The following PIP4K2C variants were observed in gnomAD, a reference collection of about 807,000 sequenced individuals.
PIP4K2C encodes phosphatidylinositol-5-phosphate 4-kinase type 2 gamma.
A neutral mutation model predicts 45.0 loss-of-function variants in PIP4K2C; 21 were observed. The ratio of observed to expected loss-of-function variants is 0.47; its 90% confidence interval spans 0.33 to 0.67. PIP4K2C has a LOEUF of 0.67. Ranked by LOEUF, PIP4K2C falls within the 30% of genes least tolerant of loss-of-function variation. The pLI, the probability that PIP4K2C is intolerant of heterozygous loss-of-function variation, is 0.02. For synonymous variants in PIP4K2C, 201 were observed against 204.8 expected, an observed-to-expected ratio of 0.98 and a Z score of 0.16; for missense variants, 456 against 542.8, an observed-to-expected ratio of 0.84 and a Z score of 1.59.
rs1883529708 is a variant in PIP4K2C, at chr12:57,603,344, T to C, written c.*1738T>C. 6.6e-6 allele frequency: 1 copy of C among 152,626 alleles called. No individual in the cohort carries two copies. The highest frequency in any genetic ancestry group is 6.5e-5 in the Admixed American group (1 of 15,286). The allele number at this position is 152,626 out of a possible 1,614,324, so 9.5% of individuals were successfully genotyped here. A position where few individuals can be genotyped will look rare whatever the true frequency, so the allele number is the denominator to read the frequency against. On this transcript the variant is annotated 3_prime_UTR_variant, in exon 10 of 10. Transcript: ENST00000354947. The stretch of plus-strand genomic sequence containing the variant: ...TTGTTGCTTCTGTTTTTCATCTTTT[T>C]TGTTTTATTAATAAAAATTTATGTA...
intron 4 of PIP4K2C, among the ~76,000 whole-genome samples, chr12:57,597,188 G>A (rs888020072): frequency 6.6e-6 from 1 of 152,200 alleles, no homozygotes; most frequent in Non-Finnish European, 1.5e-5. Flanking sequence ...TTTAGAAAAT[G>A]TGACAGCGTT....
chr12:57,596,123 A>G (rs1425797347), intron 4 of PIP4K2C, 92 bp downstream of exon 4: 2 of 1,412,730 alleles, frequency 1.4e-6, no homozygotes, highest in Non-Finnish European at 2.0e-6. Flanking sequence ...CTGGGGAGAA[A>G]ACTCATTGGA....
rs143320503 is a variant in PIP4K2C at position 57,599,179 on chromosome 12, C to T, written c.628C>T (p.Arg210Cys). The T allele has an allele frequency of 2.3e-4, 366 of 1,614,072 alleles. 1 individual carries two copies. The highest frequency in any genetic ancestry group is 3.7e-4 in the South Asian group (34 of 91,090). The change falls in exon 5 of 10, where the codon CGT becomes TGT. Residue 210 changes from arginine (R) to cysteine (C), a missense_variant. Arg to Cys is a radical substitution (Grantham distance 180). Transcript: ENST00000354947. ...MLVMRNMFSH[R>C]LPVHRKYDLK... ...TGTGATGCGCAATATGTTTAGCCAC[C>T]GTCTTCCTGTGCACAGGAAGTATGA...
At chr12:57,594,503 T>C (rs1883105043) in intron 2 of PIP4K2C, among the ~76,000 whole-genome samples, 1 of 152,168 alleles carries the variant, frequency 6.6e-6, no homozygotes, top group African/African-American at 2.4e-5. Context: ...TGGTGTCTGT[T>C]GCTGACTTTA....
chr12:57,600,518 G>A, intron 7 of PIP4K2C, 81 bp downstream of exon 7: 2 of 982,270 alleles, frequency 2.0e-6, no homozygotes, highest in Non-Finnish European at 3.1e-6. Context: ...CACGGTATGA[G>A]GGAGCTCCTC....
Position 57,594,030 on chromosome 12 carries a change from T to G in PIP4K2C, c.180T>G (p.Asn60Lys), listed in dbSNP as rs1486534556. ...VFLWGVAHSI[N>K]ELSQVPPPVM... Reference sequence around the variant, plus strand: ...TTCATGGTTTGGCTTATCAGATCAATGAGCTCAGCCAGGTGCCTCCCCCGG... The same window carrying G: ...TTCATGGTTTGGCTTATCAGATCAAGGAGCTCAGCCAGGTGCCTCCCCCGG... Residue 60 changes from asparagine to lysine, a missense_variant, in exon 2 of 10, where the codon AAT (asparagine) becomes AAG (lysine). Transcript: ENST00000354947. 6.2e-7 allele frequency: 1 copy of G among 1,613,762 alleles called. No individual in the cohort carries two copies. Among genetic ancestry groups the G allele is most frequent in the Non-Finnish European group, 8.5e-7 (1 of 1,179,844 alleles).
chr12:57,596,683 C>T (rs918259656), intron 4 of PIP4K2C, among the ~76,000 whole-genome samples: 4 of 152,146 alleles, frequency 2.6e-5, no homozygotes, highest in African/African-American at 9.7e-5. Context: ...TTATTAGGCC[C>T]TATGTTAGGC....
chr12:57,596,574 C>T (rs1260562930), intron 4 of PIP4K2C, among the ~76,000 whole-genome samples: 2 of 151,172 alleles, frequency 1.3e-5, no homozygotes, highest in Non-Finnish European at 2.9e-5. Context: ...TCTTCTTGAA[C>T]ATCTCTACTG....
rs571659293 is a variant in PIP4K2C, at chr12:57,597,564, G to C, written c.514-1501G>C. ...GATTAGACTGGGAGTATAGGTTTGA[G>C]AATTATATGTGAGTAAGTGATCATT... On this transcript the variant is annotated intron_variant, in intron 4 of 9. Transcript: ENST00000354947. Among the ~76,000 whole-genome samples the C allele has an allele frequency of 3.3e-5, 5 of 152,284 alleles. No individual in the cohort carries two copies. In the South Asian group the frequency reaches 1.0e-3, roughly 32 times the overall value.
Position 57,600,067 on chromosome 12 carries a change from AAAG to A in PIP4K2C, c.700-255_700-253del, listed in dbSNP as rs1294639830. Among the ~76,000 whole-genome samples, 4 of 131,926 alleles carry A rather than the reference AAAG, an allele frequency of 3.0e-5. No individual in the cohort carries two copies. The East Asian group carries it at 6.7e-4, about 22-fold the overall frequency. 86.5% of individuals were successfully genotyped at this position (131,926 alleles called of 152,430 possible). On this transcript the variant is annotated intron_variant, in intron 6 of 9. Coordinates refer to ENST00000354947, the MANE Select transcript of PIP4K2C (RefSeq NM_024779.5). ...CTATCTCAAAAAAAAAAAAAAAAAA[AAAG>A]AGGAGAAAGAAAAGTCAGCCTGGAG...
At position 57,591,220 on chromosome 12, in the gene PIP4K2C, C is replaced by A; in HGVS notation, c.-70C>A. The A allele has an allele frequency of 6.6e-7, 1 of 1,510,538 alleles. No homozygotes were observed. Among genetic ancestry groups the A allele is most frequent in the Non-Finnish European group, 9.0e-7 (1 of 1,115,188 alleles). The allele number at this position is 1,510,538 out of a possible 1,614,324, so 93.6% of individuals were successfully genotyped here. A position where few individuals can be genotyped will look rare whatever the true frequency, so the allele number is the denominator to read the frequency against. ...CACGTGACAGCAGCGCAGGTGAGCG[C>A]CGCTTCCGGGGTCGGGCGCCTGGAT... On this transcript the variant is annotated 5_prime_UTR_variant, in exon 1 of 10. Transcript: ENST00000354947.
intron 5 of PIP4K2C, 61 bp from the exon 6 acceptor site, chr12:57,599,339 G>C: frequency 6.2e-7 from 1 of 1,610,152 alleles, no homozygotes; most frequent in South Asian, 1.1e-5. Flanking sequence ...CATCTTAGGG[G>C]CTGGGTTCTG....
chr12:57,600,735 C>G, intron 7 of PIP4K2C, 76 bp from the exon 8 acceptor site: 1 of 1,561,960 alleles, frequency 6.4e-7, no homozygotes, highest in Non-Finnish European at 8.7e-7. Flanking sequence ...CCCAGAAATT[C>G]AAAGGTACAG....
Position 57,597,196 on chromosome 12 carries a change from G to A in PIP4K2C, c.513+1165G>A, listed in dbSNP as rs376991829. On this transcript the variant is annotated intron_variant, in intron 4 of 9. Coordinates refer to ENST00000354947, the MANE Select transcript of PIP4K2C (RefSeq NM_024779.5). ...AGAAATATTTAGAAAATGTGACAGCGTTTTAGAGAATGGATTGGTGGGAGG... is the reference window on the plus strand; with the variant it reads ...AGAAATATTTAGAAAATGTGACAGCATTTTAGAGAATGGATTGGTGGGAGG... Among the ~76,000 whole-genome samples, 38 of 152,322 alleles carry A rather than the reference G, an allele frequency of 2.5e-4. 1 individual carries two copies. The highest frequency in any genetic ancestry group is 1.5e-3 in the East Asian group (8 of 5,190).
rs1883396784 is a variant in PIP4K2C, at chr12:57,600,831, C to T, written c.834C>T (p.Ile278=). ...RDVEFLVQLK[I]MDYSLLLGIH... Reference sequence around the variant, plus strand: ...CTCAGTTTCTAGTGCAGCTGAAGATCATGGACTACAGCCTTCTGCTAGGCA... The same window carrying T: ...CTCAGTTTCTAGTGCAGCTGAAGATTATGGACTACAGCCTTCTGCTAGGCA... The change falls in exon 8 of 10, where the codon ATC becomes ATT. Residue 278 remains isoleucine (I), a synonymous_variant. Transcript: ENST00000354947. The T allele has an allele frequency of 1.9e-6, 3 of 1,614,166 alleles. No homozygotes were observed. Among genetic ancestry groups the T allele is most frequent in the South Asian group, 2.2e-5 (2 of 91,078 alleles).
chr12:57,603,159 A>T lies in PIP4K2C; in HGVS notation c.*1553A>T, dbSNP rs992815159. On this transcript the variant is annotated 3_prime_UTR_variant, in exon 10 of 10. Transcript: ENST00000354947. ...TTAGGGGTTGGAGCCCCCATATAAC[A>T]TCTTCCTGTCAGAAGACTGATGGAT... The T allele has an allele frequency of 1.3e-5, 2 of 152,548 alleles. No individual in the cohort carries two copies. Among genetic ancestry groups the T allele is most frequent in the African/African-American group, 2.4e-5 (1 of 41,418 alleles). The allele number at this position is 152,548 out of a possible 1,614,324, so 9.4% of individuals were successfully genotyped here.
At chr12:57,597,379 A>G (rs1461528163) in intron 4 of PIP4K2C, among the ~76,000 whole-genome samples, 1 of 152,204 alleles carries the variant, frequency 6.6e-6, no homozygotes, top group African/African-American at 2.4e-5. Context: ...CTGGTTAGGG[A>G]TAACTGGGTG....
chr12:57,591,273 C>T lies in PIP4K2C; in HGVS notation c.-17C>T, dbSNP rs774139757. On this transcript the variant is annotated 5_prime_UTR_variant, in exon 1 of 10. Transcript: ENST00000354947. ...CTGCCGGCTCCGGCTTCCACTTGGT[C>T]GGTTGCGCGGGAGACTATGGCGTCC... 3.1e-6 allele frequency: 5 copies of T among 1,591,022 alleles called. No homozygotes were observed. The highest frequency in any genetic ancestry group is 3.4e-6 in the Non-Finnish European group (4 of 1,165,072).
chr12:57,591,207 G>T lies in PIP4K2C; in HGVS notation c.-83G>T. ...TCCGGCCTCCGGTCACGTGACAGCA[G>T]CGCAGGTGAGCGCCGCTTCCGGGGT... On this transcript the variant is annotated 5_prime_UTR_variant, in exon 1 of 10. Coordinates refer to ENST00000354947, the MANE Select transcript of PIP4K2C (RefSeq NM_024779.5). 1 of 1,410,750 alleles carries T rather than the reference G, an allele frequency of 7.1e-7. No homozygotes were observed. The highest frequency in any genetic ancestry group is 1.4e-5 in the African/African-American group (1 of 69,236). The allele number at this position is 1,410,750 out of a possible 1,614,324, so 87.4% of individuals were successfully genotyped here. A position where few individuals can be genotyped will look rare whatever the true frequency, so the allele number is the denominator to read the frequency against.
Sources: allele counts gnomAD v4.1 joint callset (sites outside exome capture counted in the v4.1 genomes callset), GRCh38; gene constraint gnomAD v4.1.1; transcripts MANE v1.5; gene names NCBI Gene and HGNC (gene_info 2026-07-23, HGNC 2026-07-21).